TRMU: variants seen among roughly 807,000 people sequenced by gnomAD.
The protein encoded by TRMU is mitochondrial tRNA-specific 2-thiouridylase 1.
In TRMU, 49 loss-of-function variants were observed where a neutral mutation model predicts 46.9. The observed-to-expected ratio is 1.05, with a 90% CI of 0.83 to 1.33. The LOEUF (loss-of-function observed/expected upper bound fraction) is 1.33, where lower values mean the gene tolerates loss of function less well. Among genes scored for constraint, TRMU ranks in the 40% most tolerant of loss-of-function variants. TRMU has a pLI of 0.00. For missense variants in TRMU, 572 were observed against 532.4 expected, an observed-to-expected ratio of 1.07 and a Z score of -0.73; for synonymous variants, 241 against 200.9, an observed-to-expected ratio of 1.20 and a Z score of -1.69.
At chr22:46,346,324 T>C (rs2078256116) in intron 3 of TRMU, 98 bp from the exon 4 acceptor site, 1 of 1,474,794 alleles carries the variant, frequency 6.8e-7, no homozygotes, top group Non-Finnish European at 9.1e-7. Context: ...AGCCTAAGAC[T>C]TGGGGTCTAT....
At chr22:46,353,274 C>T (rs1218642015) in intron 7 of TRMU, 1 of 199,312 alleles carries the variant, frequency 5.0e-6, no homozygotes, top group African/African-American at 2.3e-5. Context: ...CCATGAGGTT[C>T]TCTCTGCCTG....
intron 8 of TRMU, 125 bp downstream of exon 8, chr22:46,353,992 TC>T (rs1447204529): frequency 4.7e-6 from 4 of 853,250 alleles, no homozygotes; most frequent in Non-Finnish European, 7.8e-6. Context: ...CTAACTCTGT[TC>T]CTGTCCTTGG....
Position 46,346,504 on chromosome 22 carries a change from G to A in TRMU, c.438G>A (p.Lys146=), listed in dbSNP as rs1362416041. The A allele has an allele frequency of 1.2e-6, 2 of 1,613,212 alleles. No individual in the cohort carries two copies. Among genetic ancestry groups the A allele is most frequent in the South Asian group, 1.1e-5 (1 of 91,004 alleles). Residue 146 remains lysine (K), a synonymous_variant, in exon 4 of 11, where the codon AAG becomes AAA. Transcript: ENST00000645190. ...TCTTTGAGCAGAAGCACGTTAAGAA[G>A]CCCGAAGGGCTTTTCAGAAATCGGT... ...EEVFEQKHVK[K]PEGLFRNRFE... is the part of the protein sequence containing the mutation.
Position 46,351,826 on chromosome 22 carries a change from T to A in TRMU, c.652-295T>A. ...CTCTCCCCCACTCCTCGCAGGACAG[T>A]GGCCTGAAGGACCTGACCGGGTTCT... On this transcript the variant is annotated intron_variant, in intron 5 of 10. Transcript: ENST00000645190. This position sits in a 1 kb window ranked among gnomAD's most constrained non-coding sequence, Gnocchi z 6.4. 1 of 504,880 alleles carries A rather than the reference T, an allele frequency of 2.0e-6. No homozygotes were observed. The highest frequency in any genetic ancestry group is 2.0e-5 in the South Asian group (1 of 50,480). 31.3% of individuals were successfully genotyped at this position (504,880 alleles called of 1,614,324 possible).
chr22:46,343,125 G>A (rs569207037), intron 2 of TRMU, 137 bp from the exon 3 acceptor site: 30 of 684,058 alleles, frequency 4.4e-5, no homozygotes, highest in East Asian at 3.5e-4. Flanking sequence ...GATGACTGAC[G>A]TTCTCCTGTT....
chr22:46,352,094 C>T (rs755307703), intron 5 of TRMU, 27 bp from the exon 6 acceptor site: 26 of 1,612,084 alleles, frequency 1.6e-5, no homozygotes, highest in Non-Finnish European at 2.1e-5. Flanking sequence ...TTCTGCTCCT[C>T]TCACGGCTGC....
rs1429181671 is a variant in TRMU, at chr22:46,351,814, C to T, written c.652-307C>T. ...TCTGGTCCCTGTCTCTCCCCCACTC[C>T]TCGCAGGACAGTGGCCTGAAGGACC... On this transcript the variant is annotated intron_variant, in intron 5 of 10. Coordinates refer to ENST00000645190, the MANE Select transcript of TRMU (RefSeq NM_018006.5). The surrounding 1 kb of genome is among the most constrained non-coding windows in gnomAD (Gnocchi z 6.4). 26 of 475,090 alleles carry T rather than the reference C, an allele frequency of 5.5e-5. No homozygotes were observed. Among genetic ancestry groups the T allele is most frequent in the Non-Finnish European group, 9.7e-5 (25 of 258,412 alleles). 29.4% of individuals were successfully genotyped at this position (475,090 alleles called of 1,614,324 possible).
intron 7 of TRMU, chr22:46,353,322 C>T (rs1660145955): frequency 4.5e-6 from 1 of 220,600 alleles, no homozygotes; most frequent in African/African-American, 2.3e-5. Flanking sequence ...GTGAGTTTGC[C>T]ATCTGCTGTG....
intron 8 of TRMU, 80 bp from the exon 9 acceptor site, chr22:46,355,364 T>C: frequency 6.4e-7 from 1 of 1,568,024 alleles, no homozygotes; most frequent in South Asian, 1.2e-5. Context: ...GGTAGGACAG[T>C]TGTTCCCAGG....
chr22:46,348,831 T>G lies in TRMU; in HGVS notation c.479-1460T>G, dbSNP rs1054875762. Among the ~76,000 whole-genome samples, 2 of 152,128 alleles carry G rather than the reference T, an allele frequency of 1.3e-5. No individual in the cohort carries two copies. The highest frequency in any genetic ancestry group is 3.9e-4 in the East Asian group (2 of 5,182). ...ATGCAGTGTTTGACTGCAGTTAGTT[T>G]GGGATTGAAAGTGGACTCTGAGGCC... On this transcript the variant is annotated intron_variant, in intron 4 of 10. Transcript: ENST00000645190. The surrounding 1 kb of genome is among the most constrained non-coding windows in gnomAD (Gnocchi z 4.8).
At chr22:46,343,629 G>C (rs2078180192) in intron 3 of TRMU, among the ~76,000 whole-genome samples, 1 of 152,108 alleles carries the variant, frequency 6.6e-6, no homozygotes, top group African/African-American at 2.4e-5. Flanking sequence ...TCCTGCCTCG[G>C]CCTTCCAAAG....
At chr22:46,354,160 G>A (rs117906628) in intron 8 of TRMU, 2 of 372,650 alleles carry the variant, frequency 5.4e-6, no homozygotes, top group Non-Finnish European at 1.0e-5. Context: ...CCAGAGCTTG[G>A]GTGGCTCATC....
chr22:46,352,448 G>A (rs2147096666), intron 7 of TRMU, 118 bp downstream of exon 7: 1 of 1,282,228 alleles, frequency 7.8e-7, no homozygotes, highest in Middle Eastern at 2.1e-4. Flanking sequence ...AATTGTAGAA[G>A]GCTCTGTGGG....
chr22:46,356,237 C>T, intron 10 of TRMU, 165 bp downstream of exon 10: 5 of 687,604 alleles, frequency 7.3e-6, no homozygotes, highest in Middle Eastern at 4.0e-4. Context: ...GGGCTCCTCC[C>T]ACAGTGACAA....
rs373439827 is a variant in TRMU at position 46,338,719 on chromosome 22, G to A, written c.248+775G>A. ...AATGCTGATTGTGTATTTCAGGACC[G>A]TTGTAAAGTTTGGCTGGACTTTTGT... On this transcript the variant is annotated intron_variant, in intron 2 of 10. Coordinates refer to ENST00000645190, the MANE Select transcript of TRMU (RefSeq NM_018006.5). This position sits in a 1 kb window ranked among gnomAD's most constrained non-coding sequence, Gnocchi z 4.5. Among the ~76,000 whole-genome samples, 6 of 152,358 alleles carry A rather than the reference G, an allele frequency of 3.9e-5. No individual in the cohort carries two copies. Among genetic ancestry groups the A allele is most frequent in the East Asian group, 3.9e-4 (2 of 5,182 alleles).
chr22:46,355,762 T>TG, intron 9 of TRMU, 174 bp downstream of exon 9: 2 of 1,202,836 alleles, frequency 1.7e-6, no homozygotes, highest in Non-Finnish European at 2.4e-6. Flanking sequence ...GAGCGAGGCC[T>TG]GGGGGTGCTG....
rs2147103558 is a variant in TRMU, at chr22:46,353,834, G to T, written c.840G>T (p.Val280=). 1 of 1,613,992 alleles carries T rather than the reference G, an allele frequency of 6.2e-7. No individual in the cohort carries two copies. The highest frequency in any genetic ancestry group is 8.5e-7 in the Non-Finnish European group (1 of 1,179,896). The stretch of plus-strand genomic sequence containing the variant: ...GCCTGAGAGAGCCCTGGTACGTGGT[G>T]GAGAAGGACAGCGTCAAGGGTGACG... ...IGGLREPWYV[V]EKDSVKGDVF... is the part of the protein sequence containing the mutation. The change falls in exon 8 of 11, where the codon GTG becomes GTT. Residue 280 remains valine, a synonymous_variant. Transcript: ENST00000645190.
Position 46,356,848 on chromosome 22 carries a change from G to A in TRMU, c.1108G>A (p.Val370Met). The A allele has an allele frequency of 2.5e-6, 4 of 1,613,288 alleles. No individual in the cohort carries two copies. Among genetic ancestry groups the A allele is most frequent in the Non-Finnish European group, 3.4e-6 (4 of 1,179,878 alleles). The change falls in exon 11 of 11, where the codon GTG (valine) becomes ATG (methionine). Residue 370 changes from valine (V) to methionine (M), a missense_variant. Coordinates refer to ENST00000645190, the MANE Select transcript of TRMU (RefSeq NM_018006.5). ...CAGGGTCTCTCCCCTACAGTTTGCT[G>A]TGTTCTACAAGGGGGACGAGTGCCT... ...VRALATGQFA[V>M]FYKGDECLGS... is the part of the protein sequence containing the mutation.
At chr22:46,353,423 T>A (rs1263085098) in intron 7 of TRMU, 1 of 355,894 alleles carries the variant, frequency 2.8e-6, no homozygotes, top group Non-Finnish European at 5.5e-6. Context: ...AGCTATGTCA[T>A]GGGCTCAGCA....
Sources: gnomAD v4.1 joint callset for allele counts (sites outside exome capture counted in the v4.1 genomes callset) on GRCh38, gnomAD v4.1.1 for gene constraint, Gnocchi (gnomAD v3.1) non-coding constraint, MANE v1.5 for transcripts, NCBI Gene and HGNC (gene_info 2026-07-23, HGNC 2026-07-21) for gene names.